Variants in TRANK1 observed in about 807,000 individuals in gnomAD.
The protein encoded by TRANK1 is tetratricopeptide repeat and ankyrin repeat containing 1.
TRANK1 carries 198 observed loss-of-function variants against 266.0 expected under a neutral mutation model. The ratio of observed to expected loss-of-function variants is 0.74; its 90% CI spans 0.66 to 0.84. TRANK1 has a LOEUF of 0.84. TRANK1 is among the 40% of genes least tolerant of loss of function. TRANK1 has a pLI of 0.00. For synonymous variants in TRANK1, 1,396 were observed against 1,384.1 expected, an observed-to-expected ratio of 1.01 and a Z score of -0.19; for missense variants, 3,326 against 3,634.6, an observed-to-expected ratio of 0.92 and a Z score of 2.18.
At chr3:36,852,478 T>C in intron 13 of TRANK1, 133 bp from the exon 14 acceptor site, 1 of 761,362 alleles carries the variant, frequency 1.3e-6, no homozygotes, top group South Asian at 2.1e-5. Context: ...CAAGCCCGTT[T>C]TCAGTTCCCA....
chr3:36,865,889 A>G (rs1303523531), intron 9 of TRANK1, among the ~76,000 whole-genome samples: 2 of 151,918 alleles, frequency 1.3e-5, no homozygotes, highest in South Asian at 4.2e-4. Context: ...TGATTACACC[A>G]CTGCACTCCA....
chr3:36,915,242 C>T (rs1017106390), intron 1 of TRANK1, among the ~76,000 whole-genome samples: 1 of 152,144 alleles, frequency 6.6e-6, no homozygotes, highest in Non-Finnish European at 1.5e-5. Flanking sequence ...TGAGCCACCG[C>T]GCCAGGCCTA....
chr3:36,832,414 A>G lies in TRANK1; in HGVS notation c.7169T>C (p.Leu2390Pro), dbSNP rs774616800. The G allele has an allele frequency of 1.9e-5, 30 of 1,614,020 alleles. No homozygotes were observed. The highest frequency in any genetic ancestry group is 2.5e-5 in the Non-Finnish European group (30 of 1,179,896). ...ATTTTCATCATCCCTGTTGGGTGCC[A>G]GCATGCCAAATTTCCCTTCTATTCC... is the stretch of plus-strand genomic sequence containing the variant. Reference protein sequence around the residue: ...IKGIEGKFGMLAPNRDDENMD... With the variant: ...IKGIEGKFGMPAPNRDDENMD... The change falls in exon 22 of 24, where the codon CTG becomes CCG. Residue 2390 changes from leucine to proline, a missense_variant. Leu to Pro is a moderately conservative substitution (Grantham distance 98). Coordinates refer to ENST00000645898, the MANE Select transcript of TRANK1 (RefSeq NM_001329998.2).
intron 2 of TRANK1, among the ~76,000 whole-genome samples, chr3:36,904,146 G>C (rs1436783505): frequency 6.6e-6 from 1 of 151,754 alleles, no homozygotes. Flanking sequence ...AGTAGAGATG[G>C]GGTTTCACCA....
At chr3:36,891,773 A>G (rs917619300) in intron 7 of TRANK1, among the ~76,000 whole-genome samples, 1 of 152,264 alleles carries the variant, frequency 6.6e-6, no homozygotes, top group Non-Finnish European at 1.5e-5. Context: ...GGATACCCCC[A>G]GCCAAGGGAC....
At chr3:36,886,364 C>G (rs1023621599) in intron 8 of TRANK1, among the ~76,000 whole-genome samples, 41 of 151,900 alleles carry the variant, frequency 2.7e-4, no homozygotes, top group African/African-American at 8.4e-4. Context: ...CCACCTTAGC[C>G]TCCCCCAAAG....
At chr3:36,894,320 T>G (rs1220840034) in intron 5 of TRANK1, among the ~76,000 whole-genome samples, 4 of 152,246 alleles carry the variant, frequency 2.6e-5, no homozygotes, top group Admixed American at 6.5e-5. Flanking sequence ...ACTATCTTCC[T>G]GCTAATGAGG....
chr3:36,900,851 CAA>C (rs138198488), intron 3 of TRANK1, among the ~76,000 whole-genome samples: 1,507 of 62,856 alleles, frequency 0.024, 17 homozygotes, highest in Non-Finnish European at 0.039. Flanking sequence ...GACCCTGTCT[CAA>C]AAAAAAAAAA....
chr3:36,829,831 G>A (rs565676077), intron 22 of TRANK1, among the ~76,000 whole-genome samples, 169 bp from the exon 23 acceptor site: 4 of 152,144 alleles, frequency 2.6e-5, no homozygotes, highest in Non-Finnish European at 5.9e-5. Context: ...GCTGCTACAA[G>A]CATAAACTAC....
intron 4 of TRANK1, among the ~76,000 whole-genome samples, chr3:36,896,592 G>T (rs1263102004): frequency 6.6e-6 from 1 of 152,198 alleles, no homozygotes; most frequent in Non-Finnish European, 1.5e-5. Flanking sequence ...CTTTCAGGTT[G>T]GGGGCAGAAT....
intron 1 of TRANK1, among the ~76,000 whole-genome samples, chr3:36,910,771 G>T (rs987917245): frequency 1.4e-5 from 2 of 148,146 alleles, no homozygotes; most frequent in Admixed American, 6.8e-5. Context: ...ATAAAATCAT[G>T]TTGCAAAAGA....
intron 8 of TRANK1, among the ~76,000 whole-genome samples, chr3:36,887,029 C>G (rs937278390): frequency 1.3e-5 from 2 of 151,668 alleles, no homozygotes; most frequent in African/African-American, 4.9e-5. Flanking sequence ...ACCTCAGCCT[C>G]CCGAGTAGCT....
intron 8 of TRANK1, among the ~76,000 whole-genome samples, chr3:36,879,894 AAATATATGTAAACATG>A (rs2079483439): frequency 1.4e-4 from 12 of 88,862 alleles, no homozygotes; most frequent in South Asian, 7.1e-4. Context: ...GTAAACATGC[AAATATATGTAAACATG>A]CAAATATATG....
At position 36,868,677 on chromosome 3, in the gene TRANK1, A is replaced by G. The variant is rs142237282; in HGVS notation, c.1079-4197T>C. 8.9e-3 allele frequency among the ~76,000 whole-genome samples: 1,355 copies of G among 152,314 alleles called. 11 individuals are homozygous for G. Among genetic ancestry groups the G allele is most frequent in the Non-Finnish European group, 0.014 (969 of 68,020 alleles). On this transcript the variant is annotated intron_variant, in intron 9 of 23. Coordinates refer to ENST00000645898, the MANE Select transcript of TRANK1 (RefSeq NM_001329998.2). ...ACACATTAATTTTTTTCTGGCAGGT[A>G]CAATTACAGATAATTAATAGTTTCT...
At chr3:36,928,042 C>G (rs1374893222) in intron 1 of TRANK1, among the ~76,000 whole-genome samples, 1 of 152,192 alleles carries the variant, frequency 6.6e-6, no homozygotes, top group Non-Finnish European at 1.5e-5. Context: ...GCAAACCCAG[C>G]CCATATCTCT....
chr3:36,832,165 T>C lies in TRANK1; in HGVS notation c.7418A>G (p.Asn2473Ser). ...GCTCTTGGGGAGGCATAGAATGACA[T>C]TCTTCCAGAGGCGGGCCAGCACCAC... is the stretch of plus-strand genomic sequence containing the variant. ...CGVVLARLWK[N>S]VILCLPKSYI... The change falls in exon 22 of 24, where the codon AAT becomes AGT. Residue 2473 changes from asparagine to serine, a missense_variant. Asn to Ser is a conservative substitution (Grantham distance 46). Transcript: ENST00000645898. The C allele has an allele frequency of 1.2e-6, 2 of 1,613,962 alleles. No individual in the cohort carries two copies. The highest frequency in any genetic ancestry group is 1.7e-6 in the Non-Finnish European group (2 of 1,179,870).
At position 36,919,138 on chromosome 3, in the gene TRANK1, A is replaced by AT. The variant is rs536982075; in HGVS notation, c.24-10685dup. Among the ~76,000 whole-genome samples the AT allele has an allele frequency of 6.6e-5, 10 of 152,204 alleles. No homozygotes were observed. The South Asian group carries it at 2.1e-3, about 32-fold the overall frequency. On this transcript the variant is annotated intron_variant, in intron 1 of 23. Coordinates refer to ENST00000645898, the MANE Select transcript of TRANK1 (RefSeq NM_001329998.2). The stretch of plus-strand genomic sequence containing the variant: ...ATATCCCATTATCTTGATGGGCCCA[A>AT]TTTTTTTTAACATTTTTATTGAGGC...
chr3:36,829,640 C>A lies in TRANK1; in HGVS notation c.8733G>T (p.Leu2911=), dbSNP rs759413197. 4.3e-6 allele frequency: 7 copies of A among 1,613,806 alleles called. No individual in the cohort carries two copies. Among genetic ancestry groups the A allele is most frequent in the Non-Finnish European group, 5.1e-6 (6 of 1,179,888 alleles). The change falls in exon 23 of 24, where the codon CTG becomes CTT. Residue 2911 remains leucine, a synonymous_variant. Coordinates refer to ENST00000645898, the MANE Select transcript of TRANK1 (RefSeq NM_001329998.2). ...WAGAEEAMTR[L]VNILILSVRD... is the part of the protein sequence containing the mutation. ...TGACTGACAGGATCAGAATGTTGAC[C>A]AGCCGAGTCATCGCCTCCTCCGCTT...
intron 22 of TRANK1, 84 bp downstream of exon 22, chr3:36,830,789 C>T (rs2078681865): frequency 7.0e-7 from 1 of 1,422,298 alleles, no homozygotes. Context: ...AAGTCAGAAG[C>T]CACGACAAGG....
Sources: gnomAD v4.1 joint callset for allele counts (sites outside exome capture counted in the v4.1 genomes callset) on GRCh38, gnomAD v4.1.1 for gene constraint, MANE v1.5 for transcripts, NCBI Gene and HGNC (gene_info 2026-07-23, HGNC 2026-07-21) for gene names.